The following LRP4 variants were observed in gnomAD, a reference collection of about 807,000 sequenced individuals.
LRP4 encodes LDL receptor related protein 4, also known as low-density lipoprotein receptor-related protein 4.
Under a neutral mutation model 220.3 loss-of-function variants are expected in LRP4, and 95 were observed. That is an observed-to-expected ratio of 0.43 (90% CI 0.37 to 0.51). The LOEUF is 0.51. LRP4 is among the 20% of genes least tolerant of loss of function. The pLI is 0.00. For synonymous variants in LRP4, 903 were observed against 954.6 expected, an observed-to-expected ratio of 0.95 and a Z score of 1.00; for missense variants, 1,925 against 2,567.0, an observed-to-expected ratio of 0.75 and a Z score of 5.40.
intron 16 of LRP4, among the ~76,000 whole-genome samples, chr11:46,887,355 C>G (rs888098411): frequency 2.0e-5 from 3 of 152,184 alleles, no homozygotes; most frequent in Admixed American, 2.0e-4. Flanking sequence ...GGGGGCTTTA[C>G]TTCTTGCATC....
Position 46,890,230 on chromosome 11 carries a change from G to A in LRP4, c.1915+47C>T, listed in dbSNP as rs2306037. On this transcript the variant is annotated intron_variant, in intron 14 of 37. Transcript: ENST00000378623. The surrounding 1 kb of genome is among the most constrained non-coding windows in gnomAD (Gnocchi z 5.3). The stretch of plus-strand genomic sequence containing the variant: ...ACCAAGGCTCCTGGGGGGCAGGGAC[G>A]GGGGCAGGAGGACAAGAGATGAAGG... The A allele has an allele frequency of 1.1e-5, 17 of 1,606,570 alleles. No homozygotes were observed. Among genetic ancestry groups the A allele is most frequent in the Admixed American group, 5.0e-5 (3 of 59,894 alleles).
chr11:46,912,472 C>T lies in LRP4; in HGVS notation c.52+5856G>A, dbSNP rs977536094. On this transcript the variant is annotated intron_variant, in intron 1 of 37. Transcript: ENST00000378623. ...CTGTAGTTGAAACTTATTGTTTAAACTGCCCGTGGAAGGAGGGTGGAAAAC... is the reference window on the plus strand; with the variant it reads ...CTGTAGTTGAAACTTATTGTTTAAATTGCCCGTGGAAGGAGGGTGGAAAAC... Among the ~76,000 whole-genome samples, 3 of 152,294 alleles carry T rather than the reference C, an allele frequency of 2.0e-5. No individual in the cohort carries two copies. In the South Asian group the frequency reaches 6.2e-4, roughly 32 times the overall value.
chr11:46,895,423 T>C (rs1196941213), intron 10 of LRP4, 132 bp from the exon 11 acceptor site: 3 of 1,311,294 alleles, frequency 2.3e-6, no homozygotes, highest in Non-Finnish European at 3.3e-6. Flanking sequence ...GTCTAAGAAA[T>C]GGTTAAGGGC....
intron 12 of LRP4, among the ~76,000 whole-genome samples, chr11:46,893,386 C>T (rs1000893990): frequency 2.0e-5 from 3 of 152,208 alleles, no homozygotes; most frequent in Non-Finnish European, 4.4e-5. Flanking sequence ...GTCAACCATA[C>T]ATCACTTTCT....
chr11:46,890,311 C>T lies in LRP4; in HGVS notation c.1881G>A (p.Leu627=). ...TGACAGCCTTACGGTGACTCCCATC[C>T]AGATTGGCCCTCTCGATGACATGGT... The part of the protein sequence containing the change: ...AKHHVIERAN[L]DGSHRKAVIS... The change falls in exon 14 of 38, where the codon CTG becomes CTA. Residue 627 remains leucine, a synonymous_variant. Coordinates refer to ENST00000378623, the MANE Select transcript of LRP4 (RefSeq NM_002334.4). This position sits in a 1 kb window ranked among gnomAD's most constrained non-coding sequence, Gnocchi z 5.3. 3.1e-6 allele frequency: 5 copies of T among 1,614,176 alleles called. No homozygotes were observed. Among genetic ancestry groups the T allele is most frequent in the Non-Finnish European group, 2.5e-6 (3 of 1,180,038 alleles).
chr11:46,901,941 G>A (rs1402950756), intron 2 of LRP4, among the ~76,000 whole-genome samples: 1 of 151,808 alleles, frequency 6.6e-6, no homozygotes. Flanking sequence ...CAGCGTATTA[G>A]CCAGGATGGT....
chr11:46,877,382 C>T (rs376423082), intron 22 of LRP4, 43 bp from the exon 23 acceptor site: 4 of 1,611,726 alleles, frequency 2.5e-6, no homozygotes, highest in Non-Finnish European at 2.5e-6. Flanking sequence ...CGAGCACAGC[C>T]ATTAAATGGA....
chr11:46,867,430 TA>T (rs1486176520), intron 34 of LRP4, among the ~76,000 whole-genome samples: 1 of 152,184 alleles, frequency 6.6e-6, no homozygotes, highest in African/African-American at 2.4e-5. Flanking sequence ...GATTTCTGTT[TA>T]AAGTTGTTCT....
At chr11:46,894,356 C>G (rs566727885) in intron 12 of LRP4, among the ~76,000 whole-genome samples, 1 of 152,340 alleles carries the variant, frequency 6.6e-6, no homozygotes, top group Non-Finnish European at 1.5e-5. Context: ...CAACCACCAA[C>G]GTGGTCTCAT....
rs748934744 is a variant in LRP4, at chr11:46,879,032, G to A, written c.3011C>T (p.Thr1004Ile). The A allele has an allele frequency of 6.2e-7, 1 of 1,614,254 alleles. No homozygotes were observed. Among genetic ancestry groups the A allele is most frequent in the South Asian group, 1.1e-5 (1 of 91,080 alleles). ...GCCGCCATTCTCCATAGCACATGGT[G>A]TAGACACTGGGTAGAGAGGAGGGGA... ...VFHRRRPPVS[T>I]PCAMENGGCS... Residue 1004 changes from threonine (T) to isoleucine (I), a missense_variant, in exon 22 of 38, where the codon ACA becomes ATA. Coordinates refer to ENST00000378623, the MANE Select transcript of LRP4 (RefSeq NM_002334.4).
intron 12 of LRP4, 45 bp downstream of exon 12, chr11:46,894,544 C>A: frequency 6.9e-7 from 1 of 1,447,060 alleles, no homozygotes. Context: ...CGTTGCTGCG[C>A]ATGTGGCATG....
chr11:46,900,404 AG>A, intron 2 of LRP4, 26 bp from the exon 3 acceptor site: 1 of 1,417,758 alleles, frequency 7.1e-7, no homozygotes, highest in Non-Finnish European at 1.0e-6. Context: ...AGAAAAGAAA[AG>A]TCAATCAACC....
chr11:46,873,674 G>C lies in LRP4; in HGVS notation c.4230-81C>G. The C allele has an allele frequency of 8.7e-7, 1 of 1,155,634 alleles. No homozygotes were observed. Among genetic ancestry groups the C allele is most frequent in the Non-Finnish European group, 1.3e-6 (1 of 791,470 alleles). 71.6% of individuals were successfully genotyped at this position (1,155,634 alleles called of 1,614,324 possible). A position where few individuals can be genotyped will look rare whatever the true frequency, so the allele number is the denominator to read the frequency against. On this transcript the variant is annotated intron_variant, in intron 28 of 37. Transcript: ENST00000378623. The surrounding 1 kb of genome is among the most constrained non-coding windows in gnomAD (Gnocchi z 4.2). ...ACTTTAACCCATGTTCCCATAACTG[G>C]ACCCCACTGAACTGTAAGCTCCACA...
At chr11:46,911,296 C>A (rs1325558022) in intron 1 of LRP4, among the ~76,000 whole-genome samples, 1 of 152,092 alleles carries the variant, frequency 6.6e-6, no homozygotes, top group Non-Finnish European at 1.5e-5. Flanking sequence ...ATTCTACCTG[C>A]CCTACCTGGA....
intron 1 of LRP4, among the ~76,000 whole-genome samples, chr11:46,914,954 CG>C (rs1941925101): frequency 6.6e-6 from 1 of 152,216 alleles, no homozygotes; most frequent in South Asian, 2.1e-4. Context: ...TATAAAACAC[CG>C]TGTCCTCTGT....
At chr11:46,884,106 G>T in intron 18 of LRP4, 130 bp from the exon 19 acceptor site, 2 of 717,144 alleles carry the variant, frequency 2.8e-6, no homozygotes, top group Admixed American at 4.1e-5. Context: ...TTTTGTGACA[G>T]ATGCACAACG....
chr11:46,893,281 T>A (rs1468344592), intron 12 of LRP4, 152 bp from the exon 13 acceptor site: 5 of 763,160 alleles, frequency 6.6e-6, no homozygotes, highest in African/African-American at 1.7e-5. Context: ...GCATCACAAC[T>A]CTGTGAGCTA....
At chr11:46,862,277 T>C (rs1940577779) in intron 37 of LRP4, among the ~76,000 whole-genome samples, 1 of 152,116 alleles carries the variant, frequency 6.6e-6, no homozygotes, top group Admixed American at 6.5e-5. Flanking sequence ...CAGAAGCACA[T>C]AGCCTTTTGC....
intron 1 of LRP4, among the ~76,000 whole-genome samples, chr11:46,912,966 T>A (rs1168058242): frequency 1.3e-5 from 2 of 152,140 alleles, no homozygotes; most frequent in Non-Finnish European, 2.9e-5. Flanking sequence ...CTTGCCGCTC[T>A]GATCCTCAGC....
Sources: gnomAD v4.1 joint callset for allele counts (sites outside exome capture counted in the v4.1 genomes callset) on GRCh38, gnomAD v4.1.1 for gene constraint, Gnocchi (gnomAD v3.1) non-coding constraint, MANE v1.5 for transcripts, NCBI Gene and HGNC (gene_info 2026-07-23, HGNC 2026-07-21) for gene names.